Variants in LTF observed in about 807,000 individuals in gnomAD.
LTF encodes the protein lactotransferrin.
LTF carries 91 observed loss-of-function variants against 87.2 expected under a neutral mutation model. The observed-to-expected ratio is 1.04, with a 90% CI of 0.88 to 1.24. The LOEUF is 1.24. Among genes scored for constraint, LTF ranks in the 50% most tolerant of loss-of-function variants. LTF has a pLI of 0.00. For missense variants in LTF, 901 were observed against 904.3 expected (o/e 1.00, Z 0.05); for synonymous variants, 378 against 356.1 (o/e 1.06, Z -0.69).
chr3:46,439,213 G>T, intron 15 of LTF, 83 bp downstream of exon 15: 5 of 1,327,942 alleles, frequency 3.8e-6, no homozygotes, highest in South Asian at 1.4e-5. Flanking sequence ...GATCGAGTGG[G>T]CTGGTGCACC....
chr3:46,455,499 T>C, intron 4 of LTF, 57 bp from the exon 5 acceptor site: 3 of 1,606,330 alleles, frequency 1.9e-6, no homozygotes, highest in Non-Finnish European at 2.6e-6. Flanking sequence ...TCACAGCAGG[T>C]TACACCTCCC....
In LTF at chr3:46,443,602, G is replaced by T. The variant is rs1469487158; in HGVS notation, c.1514-20C>A. The T allele has an allele frequency of 2.5e-6, 4 of 1,613,522 alleles. No homozygotes were observed. Among genetic ancestry groups the T allele is most frequent in the Non-Finnish European group, 3.4e-6 (4 of 1,179,884 alleles). The stretch of plus-strand genomic sequence containing the variant: ...ATTCATCTGGAGAGAAGGAACACGG[G>T]GAGTCAGCTCTTCAAACCTGAGTCC... On this transcript the variant is annotated intron_variant, in intron 12 of 16. Coordinates refer to ENST00000231751, the MANE Select transcript of LTF (RefSeq NM_002343.6).
chr3:46,442,596 AG>A (rs1292126953), intron 13 of LTF, among the ~76,000 whole-genome samples: 2 of 151,682 alleles, frequency 1.3e-5, no homozygotes, highest in Non-Finnish European at 2.9e-5. Context: ...GCAAATCCTT[AG>A]TCCCTTAAAG....
intron 1 of LTF, among the ~76,000 whole-genome samples, chr3:46,477,830 G>A (rs1191923659): frequency 6.6e-6 from 1 of 152,160 alleles, no homozygotes; most frequent in African/African-American, 2.4e-5. Context: ...CCCGTTGTGA[G>A]CCAGAACCTA....
chr3:46,471,138 CAG>C (rs1703280169), intron 1 of LTF, among the ~76,000 whole-genome samples: 1 of 152,096 alleles, frequency 6.6e-6, no homozygotes, highest in African/African-American at 2.4e-5. Flanking sequence ...GAGAGAGTGG[CAG>C]AGTCTGTTCT....
chr3:46,443,252 G>T (rs1240544603), intron 13 of LTF, among the ~76,000 whole-genome samples, 189 bp downstream of exon 13: 3 of 152,208 alleles, frequency 2.0e-5, no homozygotes, highest in Non-Finnish European at 4.4e-5. Flanking sequence ...CAGCCCTGGT[G>T]CCAGCCTCCA....
At position 46,455,821 on chromosome 3, in the gene LTF, C is replaced by T. The variant is rs917814321; in HGVS notation, c.474G>A (p.Thr158=). The T allele has an allele frequency of 1.1e-5, 17 of 1,588,514 alleles. No homozygotes were observed. The highest frequency in any genetic ancestry group is 2.2e-5 in the East Asian group (1 of 44,630). ...CTGCCTCAATGGGCTCAGGTGGACC[C>T]GTCCAATTCAAGAATGGACGAAGTG... The part of the protein sequence containing the change: ...IGTLRPFLNW[T]GPPEPIEAAV... Residue 158 remains threonine, a synonymous_variant, in exon 4 of 17, where the codon ACG becomes ACA. Transcript: ENST00000231751.
At chr3:46,470,266 G>C (rs537094144) in intron 2 of LTF, 1 of 152,544 alleles carries the variant, frequency 6.6e-6, no homozygotes, top group African/African-American at 2.4e-5. Flanking sequence ...GTGCTGGCCT[G>C]GAGGGAGCAT....
At chr3:46,462,818 C>G (rs536203187) in intron 1 of LTF, among the ~76,000 whole-genome samples, 51 of 151,930 alleles carry the variant, frequency 3.4e-4, no homozygotes, top group African/African-American at 1.1e-3. Flanking sequence ...GAGCTGGTAT[C>G]AGAAATCAGC....
intron 1 of LTF, among the ~76,000 whole-genome samples, chr3:46,479,406 G>A (rs1239951575): frequency 1.3e-5 from 2 of 152,258 alleles, no homozygotes; most frequent in African/African-American, 4.8e-5. Flanking sequence ...TAGGAGCCAA[G>A]GCAGAAGGCT....
chr3:46,439,242 A>G (rs769735915), intron 15 of LTF, 54 bp downstream of exon 15: 7 of 1,518,784 alleles, frequency 4.6e-6, no homozygotes, highest in African/African-American at 1.4e-5. Context: ...TGATCTCCTC[A>G]CCTAACATGA....
intron 1 of LTF, among the ~76,000 whole-genome samples, chr3:46,482,863 A>G (rs1335348498): frequency 6.6e-6 from 1 of 151,998 alleles, no homozygotes; most frequent in Admixed American, 6.5e-5. Flanking sequence ...AGACAGACAG[A>G]GAGAAAGAGA....
Position 46,482,723 on chromosome 3 carries a change from AAAGGAAGG to A in LTF, c.-320+2255_-320+2262del, listed in dbSNP as rs201712553. ...AGGAAGGAAAGAAAGAAAGAGAAAG[AAAGGAAGG>A]AAGGAAGGAAGGAAGGAAAGAAGGA... On this transcript the variant is annotated intron_variant, in intron 1 of 19. Transcript: ENST00000443496. Among the ~76,000 whole-genome samples, 130 of 111,702 alleles carry A rather than the reference AAAGGAAGG, an allele frequency of 1.2e-3. 9 individuals carry two copies. Among genetic ancestry groups the A allele is most frequent in the African/African-American group, 2.5e-3 (75 of 29,446 alleles). The allele number at this position is 111,702 out of a possible 152,430, so 73.3% of individuals were successfully genotyped here. A position where few individuals can be genotyped will look rare whatever the true frequency, so the allele number is the denominator to read the frequency against.
chr3:46,445,378 C>T lies in LTF; in HGVS notation c.1416G>A (p.Val472=). 1 of 1,614,056 alleles carries T rather than the reference C, an allele frequency of 6.2e-7. No individual in the cohort carries two copies. The highest frequency in any genetic ancestry group is 8.5e-7 in the Non-Finnish European group (1 of 1,179,964). Residue 472 remains valine (V), a synonymous_variant, in exon 12 of 17, where the codon GTG becomes GTA. Transcript: ENST00000231751. ...RSDTSLTWNS[V]KGKKSCHTAV... ...CGGTGTGGCAGGACTTCTTGCCTTT[C>T]ACAGAGTTCCAGGTAAGGCTAGTGT...
intron 4 of LTF, 116 bp from the exon 5 acceptor site, chr3:46,455,558 A>G (rs1702907749): frequency 7.6e-7 from 1 of 1,321,662 alleles, no homozygotes; most frequent in Admixed American, 2.1e-5. Flanking sequence ...CCTGCAGGAG[A>G]GACTCTGTCA....
chr3:46,455,187 C>T (rs1702895713), intron 5 of LTF, 108 bp downstream of exon 5: 1 of 1,368,022 alleles, frequency 7.3e-7, no homozygotes, highest in Non-Finnish European at 1.0e-6. Context: ...CAGACCTCCT[C>T]TCGTCCCCAA....
intron 1 of LTF, among the ~76,000 whole-genome samples, chr3:46,462,129 C>T (rs1045651590): frequency 6.6e-6 from 1 of 152,194 alleles, no homozygotes; most frequent in Admixed American, 6.5e-5. Context: ...AGAATTAACC[C>T]AATCAGATGC....
In LTF at chr3:46,459,003, C is replaced by T. The variant is rs145705215; in HGVS notation, c.207+653G>A. Among the ~76,000 whole-genome samples the T allele has an allele frequency of 3.2e-4, 48 of 152,320 alleles. 2 individuals carry two copies. The highest frequency in any genetic ancestry group is 5.5e-4 in the African/African-American group (23 of 41,554). ...ATAAGATAATCCTATGAAGTTGCCT[C>T]GGGAACTTTTATGCAAATTATTCAC... On this transcript the variant is annotated intron_variant, in intron 2 of 16. Transcript: ENST00000231751.
At position 46,450,623 on chromosome 3, in the gene LTF, C is replaced by T; in HGVS notation, c.754G>A (p.Asp252Asn). The change falls in exon 7 of 17, where the codon GAC (aspartate) becomes AAC (asparagine). Residue 252 changes from aspartate to asparagine, a missense_variant. Coordinates refer to ENST00000231751, the MANE Select transcript of LTF (RefSeq NM_002343.6). Reference protein sequence around the residue: ...ERDEYELLCPDNTRKPVDKFK... With the variant: ...ERDEYELLCPNNTRKPVDKFK... The stretch of plus-strand genomic sequence containing the variant: ...TTGTCCACTGGCTTCCGAGTGTTGT[C>T]TGGGCAGAGTAACTCATACTCGTCC... 2 of 1,614,160 alleles carry T rather than the reference C, an allele frequency of 1.2e-6. No homozygotes were observed. Among genetic ancestry groups the T allele is most frequent in the Non-Finnish European group, 1.7e-6 (2 of 1,180,024 alleles).
Sources: allele counts gnomAD v4.1 joint callset (sites outside exome capture counted in the v4.1 genomes callset), GRCh38; gene constraint gnomAD v4.1.1; transcripts MANE v1.5; gene names NCBI Gene and HGNC (gene_info 2026-07-23, HGNC 2026-07-21).